PLEKHH2: variants seen among roughly 807,000 people sequenced by gnomAD.
The protein encoded by PLEKHH2 is pleckstrin homology, MyTH4 and FERM domain containing H2.
In PLEKHH2, 129 loss-of-function variants were observed where a neutral mutation model predicts 187.9. The observed-to-expected ratio is 0.69, with a 90% CI of 0.59 to 0.79. The LOEUF (loss-of-function observed/expected upper bound fraction) is 0.79, where lower values mean the gene tolerates loss of function less well. Among genes scored for constraint, PLEKHH2 ranks in the 30% least tolerant of loss-of-function variants. PLEKHH2 has a pLI of 0.00. For missense variants in PLEKHH2, 2,076 were observed against 1,751.2 expected, an observed-to-expected ratio of 1.19 and a Z score of -3.31; for synonymous variants, 686 against 605.6, an observed-to-expected ratio of 1.13 and a Z score of -1.95.
chr2:43,740,770 A>G (rs1671527060), intron 20 of PLEKHH2, 176 bp from the exon 21 acceptor site: 2 of 1,184,084 alleles, frequency 1.7e-6, no homozygotes, highest in Non-Finnish European at 2.2e-6. Context: ...GATCTGACCC[A>G]ATGTAGAGTT....
chr2:43,757,770 T>C, intron 26 of PLEKHH2, among the ~76,000 whole-genome samples: 1 of 149,012 alleles, frequency 6.7e-6, no homozygotes, highest in East Asian at 1.9e-4. Flanking sequence ...ATTTAAACTT[T>C]CTTTAATTAA....
At chr2:43,640,474 G>A (rs572377543) in intron 1 of PLEKHH2, among the ~76,000 whole-genome samples, 10 of 152,232 alleles carry the variant, frequency 6.6e-5, no homozygotes, top group East Asian at 3.9e-4. Context: ...GATTACAGGC[G>A]TGAGCCACCA....
intron 2 of PLEKHH2, among the ~76,000 whole-genome samples, chr2:43,656,104 G>C (rs112280549): frequency 0.012 from 1,839 of 152,046 alleles, 36 homozygotes; most frequent in African/African-American, 0.042. Flanking sequence ...GACTATAGGT[G>C]TGTGCCATCA....
At chr2:43,705,550 A>G (rs922866403) in intron 9 of PLEKHH2, among the ~76,000 whole-genome samples, 2 of 151,962 alleles carry the variant, frequency 1.3e-5, no homozygotes, top group Admixed American at 6.6e-5. Flanking sequence ...GAGCCACTAC[A>G]CTTAGCTAGG....
In PLEKHH2 at chr2:43,699,759, A is replaced by T; in HGVS notation, c.801A>T (p.Thr267=). ...CGSEQNRKTR[T]SFATDGGISQ... is the part of the protein sequence containing the mutation. ...CAGAACAGAATCGGAAAACAAGAAC[A>T]AGCTTTGCCACAGATGGTGGCATCT... The change falls in exon 8 of 30, where the codon ACA becomes ACT. Residue 267 remains threonine (T), a synonymous_variant. Transcript: ENST00000282406. 1 of 1,614,238 alleles carries T rather than the reference A, an allele frequency of 6.2e-7. No individual in the cohort carries two copies. Among genetic ancestry groups the T allele is most frequent in the East Asian group, 2.2e-5 (1 of 44,886 alleles).
chr2:43,670,839 C>T (rs112264387), intron 2 of PLEKHH2, among the ~76,000 whole-genome samples: 6 of 152,134 alleles, frequency 3.9e-5, no homozygotes, highest in African/African-American at 1.4e-4. Context: ...TTTAATTTTC[C>T]TTATCAGTAT....
Position 43,694,435 on chromosome 2 carries a change from A to T in PLEKHH2, c.341A>T (p.Gln114Leu), listed in dbSNP as rs773654447. The stretch of plus-strand genomic sequence containing the variant: ...AAATTGCTATTGTTATTTCAGAAAC[A>T]AATAAGAATACAAGAAGCTAAAATA... ...NLELQLEEQK[Q>L]IRIQEAKIIE... is the part of the protein sequence containing the mutation. Residue 114 changes from glutamine to leucine, a missense_variant, in exon 5 of 30, where the codon CAA becomes CTA. Physicochemically the swap from Gln to Leu is moderately radical, Grantham distance 113. Transcript: ENST00000282406. 1.3e-6 allele frequency: 2 copies of T among 1,554,374 alleles called. No homozygotes were observed. The highest frequency in any genetic ancestry group is 2.4e-5 in the South Asian group (2 of 83,986).
At chr2:43,646,286 C>A (rs914542966) in intron 2 of PLEKHH2, among the ~76,000 whole-genome samples, 1 of 151,818 alleles carries the variant, frequency 6.6e-6, no homozygotes, top group South Asian at 2.1e-4. Context: ...CAATGAAAAT[C>A]ATTTTCCATG....
chr2:43,677,038 G>A (rs1191119880), intron 2 of PLEKHH2, among the ~76,000 whole-genome samples: 1 of 152,074 alleles, frequency 6.6e-6, no homozygotes, highest in African/African-American at 2.4e-5. Context: ...AAATTCTATT[G>A]ATGAATACTC....
chr2:43,656,313 A>G (rs1405593105), intron 2 of PLEKHH2, among the ~76,000 whole-genome samples: 1 of 152,192 alleles, frequency 6.6e-6, no homozygotes. Flanking sequence ...AAATCTGTGT[A>G]ATACATTTAT....
chr2:43,699,375 G>A (rs1669241416), intron 7 of PLEKHH2, among the ~76,000 whole-genome samples: 1 of 151,992 alleles, frequency 6.6e-6, no homozygotes, highest in African/African-American at 2.4e-5. Flanking sequence ...GAAATTTTTG[G>A]TTTATTCCTT....
At chr2:43,642,825 T>C (rs1477902013) in intron 1 of PLEKHH2, among the ~76,000 whole-genome samples, 3 of 152,184 alleles carry the variant, frequency 2.0e-5, no homozygotes, top group Non-Finnish European at 4.4e-5. Context: ...GTGGACATTT[T>C]ACTGTAGGAC....
intron 6 of PLEKHH2, among the ~76,000 whole-genome samples, chr2:43,696,606 G>C (rs945577902): frequency 6.6e-5 from 10 of 151,202 alleles, no homozygotes; most frequent in African/African-American, 1.7e-4. Flanking sequence ...CTTTAAAGAA[G>C]TGATTAAAGC....
At chr2:43,729,616 T>C in intron 17 of PLEKHH2, 21 bp from the exon 18 acceptor site, 2 of 1,480,702 alleles carry the variant, frequency 1.4e-6, no homozygotes, top group Non-Finnish European at 1.8e-6. Context: ...TAACATTTAA[T>C]TAATATGTTC....
chr2:43,754,003 C>A (rs1303319297), intron 25 of PLEKHH2, among the ~76,000 whole-genome samples: 2 of 152,062 alleles, frequency 1.3e-5, no homozygotes, highest in Non-Finnish European at 2.9e-5. Flanking sequence ...GAAAATATAT[C>A]TCTAGGCTTT....
chr2:43,659,995 C>T (rs1666987083), intron 2 of PLEKHH2, among the ~76,000 whole-genome samples: 1 of 152,188 alleles, frequency 6.6e-6, no homozygotes, highest in African/African-American at 2.4e-5. Context: ...TCAACATAAA[C>T]ACTATTTCCA....
intron 2 of PLEKHH2, among the ~76,000 whole-genome samples, chr2:43,649,471 A>C (rs1490643837): frequency 1.3e-5 from 2 of 152,210 alleles, no homozygotes; most frequent in African/African-American, 4.8e-5. Flanking sequence ...GCCACTTGGC[A>C]TTTCTTTTGT....
chr2:43,715,087 G>T (rs969275959), intron 15 of PLEKHH2, among the ~76,000 whole-genome samples: 1 of 152,016 alleles, frequency 6.6e-6, no homozygotes, highest in African/African-American at 2.4e-5. Context: ...AGACCAGCCT[G>T]ACCAACATGG....
At chr2:43,691,011 T>G (rs1190277623) in intron 3 of PLEKHH2, among the ~76,000 whole-genome samples, 6 of 152,236 alleles carry the variant, frequency 3.9e-5, no homozygotes, top group Non-Finnish European at 8.8e-5. Context: ...TCTGAGATTT[T>G]ATATGCCTGG....
Sources: allele counts gnomAD v4.1 joint callset (sites outside exome capture counted in the v4.1 genomes callset), GRCh38; gene constraint gnomAD v4.1.1; transcripts MANE v1.5; gene names NCBI Gene and HGNC (gene_info 2026-07-23, HGNC 2026-07-21).